The following CADM2 variants were observed in gnomAD, a reference collection of about 807,000 sequenced individuals.
The protein encoded by CADM2 is cell adhesion molecule 2, also known as immunoglobulin superfamily member 4D.
CADM2 carries 12 observed loss-of-function variants against 49.8 expected under a neutral mutation model. The observed-to-expected ratio is 0.24, with a 90% CI of 0.15 to 0.39. The LOEUF (loss-of-function observed/expected upper bound fraction) is 0.39. Among genes scored for constraint, CADM2 ranks in the 10% least tolerant of loss-of-function variants. The probability of loss-of-function intolerance (pLI) is 1.00; values close to 1 mark genes in which losing one functional copy is unlikely to be tolerated. For synonymous variants in CADM2, 214 were observed against 175.4 expected (o/e 1.22, Z -1.74); for missense variants, 378 against 492.3 (o/e 0.77, Z 2.20).
intron 2 of CADM2, among the ~76,000 whole-genome samples, chr3:85,760,786 T>C (rs1447694729): frequency 6.6e-6 from 1 of 152,202 alleles, no homozygotes; most frequent in African/African-American, 2.4e-5. Context: ...TAACACATTA[T>C]ATATTTGTAT....
chr3:85,336,279 T>C (rs2045076434), intron 1 of CADM2, among the ~76,000 whole-genome samples: 1 of 151,496 alleles, frequency 6.6e-6, no homozygotes, highest in Non-Finnish European at 1.5e-5. Context: ...TTTCTGAATT[T>C]AGCTAAAATA....
chr3:85,775,289 C>T (rs1348742828), intron 2 of CADM2, among the ~76,000 whole-genome samples: 1 of 151,702 alleles, frequency 6.6e-6, no homozygotes, highest in Non-Finnish European at 1.5e-5. Context: ...AAATGGGAGT[C>T]CATTTACATT....
chr3:85,453,111 G>T (rs1320080952), intron 1 of CADM2, among the ~76,000 whole-genome samples: 1 of 152,118 alleles, frequency 6.6e-6, no homozygotes, highest in South Asian at 2.1e-4. Flanking sequence ...TTGTTTACCT[G>T]AAATAACTTT....
chr3:85,784,862 G>T (rs952998628), intron 2 of CADM2, among the ~76,000 whole-genome samples: 1 of 152,086 alleles, frequency 6.6e-6, no homozygotes, highest in African/African-American at 2.4e-5. Context: ...AATAGAATTG[G>T]CATTAGTTCT....
At chr3:85,508,122 T>C (rs1315411774) in intron 1 of CADM2, among the ~76,000 whole-genome samples, 2 of 152,174 alleles carry the variant, frequency 1.3e-5, no homozygotes, top group Non-Finnish European at 2.9e-5. Context: ...GGTGAAATCT[T>C]GGACTTGCCT....
chr3:85,134,014 G>A (rs2039330588), intron 1 of CADM2, among the ~76,000 whole-genome samples: 1 of 152,230 alleles, frequency 6.6e-6, no homozygotes, highest in African/African-American at 2.4e-5. Context: ...CCGCGGGAAG[G>A]CAGCTAAGGC....
At chr3:85,137,285 T>C (rs1008763083) in intron 1 of CADM2, among the ~76,000 whole-genome samples, 1 of 152,040 alleles carries the variant, frequency 6.6e-6, no homozygotes, top group African/African-American at 2.4e-5. Context: ...CTTTATTTTA[T>C]AAGACTTTGT....
chr3:85,094,711 C>T (rs571647901), intron 1 of CADM2, among the ~76,000 whole-genome samples: 2 of 152,098 alleles, frequency 1.3e-5, no homozygotes, highest in Non-Finnish European at 2.9e-5. Flanking sequence ...ACTGACTTTT[C>T]TTTTTGGGAA....
At chr3:85,889,436 GC>G (rs894412675) in intron 5 of CADM2, among the ~76,000 whole-genome samples, 3 of 152,170 alleles carry the variant, frequency 2.0e-5, no homozygotes, top group African/African-American at 4.8e-5. Flanking sequence ...CCACGGGGGA[GC>G]CTGAAAATGT....
intron 1 of CADM2, among the ~76,000 whole-genome samples, chr3:85,041,997 C>A (rs1164363777): frequency 6.6e-6 from 1 of 152,182 alleles, no homozygotes; most frequent in Non-Finnish European, 1.5e-5. Context: ...TTGTTTCACA[C>A]ATGCATAATA....
At chr3:85,916,964 TGTC>T (rs1201905163) in intron 6 of CADM2, among the ~76,000 whole-genome samples, 1 of 152,182 alleles carries the variant, frequency 6.6e-6, no homozygotes, top group Non-Finnish European at 1.5e-5. Context: ...GCTGCATAAA[TGTC>T]TTCTTTTGAG....
chr3:85,377,114 A>G (rs2033637573), intron 1 of CADM2, among the ~76,000 whole-genome samples: 1 of 152,198 alleles, frequency 6.6e-6, no homozygotes, highest in South Asian at 2.1e-4. Context: ...TGAACATGAT[A>G]GTTGGTTAAT....
intron 1 of CADM2, among the ~76,000 whole-genome samples, chr3:85,430,368 G>C (rs1423541693): frequency 6.6e-6 from 1 of 151,958 alleles, no homozygotes; most frequent in East Asian, 1.9e-4. Flanking sequence ...CATGAAAGGA[G>C]GCTGGGCACA....
intron 2 of CADM2, among the ~76,000 whole-genome samples, chr3:85,758,401 C>A (rs1377372305): frequency 1.3e-5 from 2 of 152,084 alleles, no homozygotes; most frequent in Non-Finnish European, 2.9e-5. Context: ...TAGCATTCCC[C>A]ACCCCCATTT....
At chr3:85,510,167 T>C (rs967799283) in intron 1 of CADM2, among the ~76,000 whole-genome samples, 11 of 152,154 alleles carry the variant, frequency 7.2e-5, no homozygotes, top group Middle Eastern at 3.4e-3. Context: ...AAAATAATTA[T>C]AGGGTGCTCA....
chr3:85,448,099 A>T (rs2037555448), intron 1 of CADM2, among the ~76,000 whole-genome samples: 1 of 152,114 alleles, frequency 6.6e-6, no homozygotes, highest in Non-Finnish European at 1.5e-5. Context: ...TGGAAGGGCG[A>T]GGCGGGCGGA....
chr3:84,981,354 T>C (rs771704103), intron 1 of CADM2, among the ~76,000 whole-genome samples: 1 of 152,032 alleles, frequency 6.6e-6, no homozygotes. Context: ...TAGTCTTCCA[T>C]TTTAAAGTCT....
At chr3:86,010,750 TAA>T (rs1189667501) in intron 8 of CADM2, among the ~76,000 whole-genome samples, 3 of 151,420 alleles carry the variant, frequency 2.0e-5, no homozygotes, top group African/African-American at 4.8e-5. Context: ...TTAGAATTTA[TAA>T]AGTCAGTAAA....
At chr3:85,998,209 AT>A (rs879627782) in intron 8 of CADM2, among the ~76,000 whole-genome samples, 10 of 152,046 alleles carry the variant, frequency 6.6e-5, no homozygotes, top group Admixed American at 3.9e-4. Flanking sequence ...TAGCATATGT[AT>A]TTTTTTAATT....
Sources: allele counts gnomAD v4.1 joint callset (sites outside exome capture counted in the v4.1 genomes callset), GRCh38; gene constraint gnomAD v4.1.1; transcripts MANE v1.5; gene names NCBI Gene and HGNC (gene_info 2026-07-23, HGNC 2026-07-21).